The following FNDC3B variants were observed in gnomAD, a reference collection of about 807,000 sequenced individuals.
The protein encoded by FNDC3B is fibronectin type III domain containing 3B, also known as fibronectin type III domain-containing protein 3B.
Under a neutral mutation model 151.5 loss-of-function variants are expected in FNDC3B, and 12 were observed. The ratio of observed to expected loss-of-function variants is 0.08; its 90% CI spans 0.05 to 0.13. The LOEUF is 0.13. FNDC3B is among the 10% of genes least tolerant of loss of function. The pLI is 1.00. For synonymous variants in FNDC3B, 528 were observed against 549.0 expected (o/e 0.96, Z 0.54); for missense variants, 1,214 against 1,505.3 (o/e 0.81, Z 3.20).
At chr3:172,178,767 A>G (rs1723736558) in intron 3 of FNDC3B, among the ~76,000 whole-genome samples, 1 of 152,214 alleles carries the variant, frequency 6.6e-6, no homozygotes, top group African/African-American at 2.4e-5. Flanking sequence ...AGAATTTCAT[A>G]GATAGGGAAA....
At chr3:172,064,404 A>G (rs900923433) in intron 1 of FNDC3B, among the ~76,000 whole-genome samples, 2 of 152,182 alleles carry the variant, frequency 1.3e-5, no homozygotes, top group Non-Finnish European at 2.9e-5. Context: ...CCCGTTTTAT[A>G]TTTTTATTTA....
chr3:172,175,332 T>A (rs1184650488), intron 3 of FNDC3B, among the ~76,000 whole-genome samples: 1 of 152,144 alleles, frequency 6.6e-6, no homozygotes, highest in Non-Finnish European at 1.5e-5. Flanking sequence ...GCCTGTTCTT[T>A]TAAGTGCTTT....
At chr3:172,122,959 G>A (rs1446014664) in intron 2 of FNDC3B, among the ~76,000 whole-genome samples, 1 of 152,144 alleles carries the variant, frequency 6.6e-6, no homozygotes, top group Non-Finnish European at 1.5e-5. Context: ...ATCAGTTCTT[G>A]TTAGCCACAC....
chr3:172,154,910 G>A (rs972992092), intron 3 of FNDC3B, among the ~76,000 whole-genome samples: 1 of 152,030 alleles, frequency 6.6e-6, no homozygotes, highest in Non-Finnish European at 1.5e-5. Flanking sequence ...TGGGGTGCTG[G>A]TGGGACAAGT....
At chr3:172,078,421 A>C (rs2108495675) in intron 1 of FNDC3B, among the ~76,000 whole-genome samples, 1 of 152,346 alleles carries the variant, frequency 6.6e-6, no homozygotes, top group East Asian at 1.9e-4. Flanking sequence ...GTTTTGTACT[A>C]TGGACCTGTA....
intron 1 of FNDC3B, among the ~76,000 whole-genome samples, chr3:172,094,291 CAT>C (rs916491523): frequency 5.9e-5 from 9 of 152,376 alleles, no homozygotes; most frequent in African/African-American, 2.2e-4. Context: ...AAAGAAACCT[CAT>C]AGCCGTTGGC....
intron 2 of FNDC3B, among the ~76,000 whole-genome samples, chr3:172,129,524 T>C (rs1720966056): frequency 6.6e-6 from 1 of 152,240 alleles, no homozygotes; most frequent in Non-Finnish European, 1.5e-5. Context: ...CTTTCAGTTC[T>C]CCTGTTAGAC....
At chr3:172,224,609 C>G (rs1726455570) in intron 3 of FNDC3B, among the ~76,000 whole-genome samples, 1 of 152,118 alleles carries the variant, frequency 6.6e-6, no homozygotes, top group South Asian at 2.1e-4. Flanking sequence ...CTGCTGAGTC[C>G]TCTCCTGTGA....
intron 6 of FNDC3B, among the ~76,000 whole-genome samples, chr3:172,278,305 G>A (rs1207904864): frequency 6.6e-6 from 1 of 152,008 alleles, no homozygotes; most frequent in African/African-American, 2.4e-5. Flanking sequence ...GGAAACGTTT[G>A]TAGACTCCCA....
At chr3:172,212,960 T>C (rs771355398) in intron 3 of FNDC3B, among the ~76,000 whole-genome samples, 6 of 152,052 alleles carry the variant, frequency 3.9e-5, no homozygotes, top group African/African-American at 9.7e-5. Flanking sequence ...TGGAAAACAA[T>C]TCAGTTGAGA....
intron 22 of FNDC3B, among the ~76,000 whole-genome samples, chr3:172,357,269 A>G (rs1365703333): frequency 6.6e-6 from 1 of 152,228 alleles, no homozygotes; most frequent in Non-Finnish European, 1.5e-5. Context: ...GCTTGGGATT[A>G]CATTACTTCT....
chr3:172,165,268 C>G (rs1021835740), intron 3 of FNDC3B, among the ~76,000 whole-genome samples: 5 of 152,184 alleles, frequency 3.3e-5, no homozygotes, highest in African/African-American at 1.2e-4. Flanking sequence ...CCTCAGCCTC[C>G]CAAAGTGCTA....
chr3:172,050,852 A>G (rs1252143618), intron 1 of FNDC3B, among the ~76,000 whole-genome samples: 2 of 151,928 alleles, frequency 1.3e-5, no homozygotes, highest in Non-Finnish European at 2.9e-5. Flanking sequence ...CATAGCTGTC[A>G]TTTTTGTGGC....
chr3:172,268,975 G>C (rs1326135320), intron 6 of FNDC3B, among the ~76,000 whole-genome samples: 1 of 152,208 alleles, frequency 6.6e-6, no homozygotes, highest in Non-Finnish European at 1.5e-5. Flanking sequence ...TTTGAGAATA[G>C]TTCTGGAGTC....
In FNDC3B at chr3:172,295,458, T is replaced by C; in HGVS notation, c.945T>C (p.Ser315=). The change falls in exon 8 of 26, where the codon AGT becomes AGC. Residue 315 remains serine (S), a synonymous_variant. Transcript: ENST00000415807. The part of the protein sequence containing the change: ...GPHSGLSFPY[S]YEVALSDKGR... ...ACAGTGGTCTTTCCTTCCCCTACAGTTACGAGGTGGCCTTATCAGACAAAG... is the reference window on the plus strand; with the variant it reads ...ACAGTGGTCTTTCCTTCCCCTACAGCTACGAGGTGGCCTTATCAGACAAAG... The C allele has an allele frequency of 6.2e-7, 1 of 1,614,064 alleles. No individual in the cohort carries two copies. Among genetic ancestry groups the C allele is most frequent in the Non-Finnish European group, 8.5e-7 (1 of 1,179,896 alleles).
At chr3:172,287,550 G>T (rs1038670205) in intron 7 of FNDC3B, among the ~76,000 whole-genome samples, 29 of 152,340 alleles carry the variant, frequency 1.9e-4, no homozygotes, top group Middle Eastern at 3.4e-3. Context: ...TAGCATAGTA[G>T]AAAGAAGAAA....
intron 3 of FNDC3B, among the ~76,000 whole-genome samples, chr3:172,134,585 T>G (rs1003207478): frequency 2.0e-5 from 3 of 152,206 alleles, no homozygotes; most frequent in African/African-American, 7.2e-5. Flanking sequence ...GAAACAGTTT[T>G]TTTTTTCCTT....
In FNDC3B at chr3:172,262,894, C is replaced by CAAAAA. The variant is rs67891835; in HGVS notation, c.790+11377_790+11381dup. Among the ~76,000 whole-genome samples the CAAAAA allele has an allele frequency of 3.5e-4, 21 of 60,614 alleles. 1 individual carries two copies. Among genetic ancestry groups the CAAAAA allele is most frequent in the African/African-American group, 4.5e-4 (7 of 15,544 alleles). 39.8% of individuals were successfully genotyped at this position (60,614 alleles called of 152,430 possible). On this transcript the variant is annotated intron_variant, in intron 6 of 25. Coordinates refer to ENST00000415807, the MANE Select transcript of FNDC3B (RefSeq NM_022763.4). Reference sequence around the variant, plus strand: ...CCTAGATGACAGAGTGAGACCGACTCAAAAAAAAAAAAAAAAAAAAAAAAA... The same window carrying CAAAAA: ...CCTAGATGACAGAGTGAGACCGACTCAAAAAAAAAAAAAAAAAAAAAAAAAAAAAA...
Position 172,241,913 on chromosome 3 carries a change from T to G in FNDC3B, c.265-5620T>G, listed in dbSNP as rs1032891260. On this transcript the variant is annotated intron_variant, in intron 4 of 25. Transcript: ENST00000415807. ...AGACAAAGCAAGTCCCTTCTACCTA[T>G]CTGCCTATAAGCCTATAAAATCAAA... is the stretch of plus-strand genomic sequence containing the variant. 2.6e-5 allele frequency among the ~76,000 whole-genome samples: 4 copies of G among 152,238 alleles called. No individual in the cohort carries two copies. The South Asian group carries it at 8.3e-4, about 32-fold the overall frequency.
Sources: gnomAD v4.1 joint callset for allele counts (sites outside exome capture counted in the v4.1 genomes callset) on GRCh38, gnomAD v4.1.1 for gene constraint, MANE v1.5 for transcripts, NCBI Gene and HGNC (gene_info 2026-07-23, HGNC 2026-07-21) for gene names.